Variants in IP6K3 observed in about 807,000 individuals in gnomAD.
IP6K3 encodes the protein inositol hexakisphosphate kinase 3.
IP6K3 carries 20 observed loss-of-function variants against 28.8 expected under a neutral mutation model. That is an observed-to-expected ratio of 0.70 (90% CI 0.49 to 1.01). IP6K3 has a LOEUF of 1.01. IP6K3 is among the 50% of genes least tolerant of loss of function. IP6K3 has a pLI of 0.00. For missense variants in IP6K3, 480 were observed against 537.1 expected (o/e 0.89, Z 1.05); for synonymous variants, 213 against 221.3 (o/e 0.96, Z 0.33).
rs1287566681 is a variant in IP6K3, at chr6:33,721,707, T to A, written c.*1013A>T. 1 of 152,638 alleles carries A rather than the reference T, an allele frequency of 6.6e-6. No individual in the cohort carries two copies. The highest frequency in any genetic ancestry group is 1.5e-5 in the Non-Finnish European group (1 of 68,034). The allele number at this position is 152,638 out of a possible 1,614,324, so 9.5% of individuals were successfully genotyped here. A position where few individuals can be genotyped will look rare whatever the true frequency, so the allele number is the denominator to read the frequency against. ...TTTATTAACAAATTTATTTCCCTAA[T>A]TGGGTAACGTATCTCAGTGCTTGAC... On this transcript the variant is annotated 3_prime_UTR_variant, in exon 6 of 6. Transcript: ENST00000293756.
In IP6K3 at chr6:33,726,759, G is replaced by C. The variant is rs1328503196; in HGVS notation, c.561C>G (p.Cys187Trp). 1 of 1,601,706 alleles carries C rather than the reference G, an allele frequency of 6.2e-7. No individual in the cohort carries two copies. The highest frequency in any genetic ancestry group is 1.3e-5 in the African/African-American group (1 of 74,774). Residue 187 changes from cysteine (C) to tryptophan (W), a missense_variant, in exon 4 of 6, where the codon TGC becomes TGG. By Grantham distance (215) the Cys-to-Trp change is radical. Transcript: ENST00000293756. ...QCHQAHLTRL[C>W]SEYPENKRHR... ...GCCGCTTGTTCTCTGGGTACTCGGA[G>C]CACAGGCGGGTCAGGTGGGCCTGGT... is the stretch of plus-strand genomic sequence containing the variant.
rs1405703071 is a variant in IP6K3, at chr6:33,745,463, T to C, written c.-180+1295A>G. 2.0e-5 allele frequency among the ~76,000 whole-genome samples: 3 copies of C among 152,120 alleles called. No individual in the cohort carries two copies. In the South Asian group the frequency reaches 6.2e-4, roughly 32 times the overall value. On this transcript the variant is annotated intron_variant, in intron 1 of 5. Coordinates refer to ENST00000293756, the MANE Select transcript of IP6K3 (RefSeq NM_054111.5). The stretch of plus-strand genomic sequence containing the variant: ...CTGCCTCTCGGGGCCTCAGCTTCCC[T>C]ATCTGTACTGAGAGCTGTCTGACCC...
the IP6K3 span, among the ~76,000 whole-genome samples, chr6:33,758,597 G>A: frequency 6.6e-6 from 1 of 151,980 alleles, no homozygotes; most frequent in African/African-American, 2.4e-5. Flanking sequence ...AGTTTTTTTT[G>A]TTGTTGTTGT....
chr6:33,726,813 C>T lies in IP6K3; in HGVS notation c.507G>A (p.Lys169=), dbSNP rs764008300. Reference sequence around the variant, plus strand: ...ATTGCAGGCCCCACGGGTTGAAGCTCTTCCTCTCAACCTGGTTTCCGTTGG... The same window carrying T: ...ATTGCAGGCCCCACGGGTTGAAGCTTTTCCTCTCAACCTGGTTTCCGTTGG... ...EDTNGNQVER[K]SFNPWGLQCH... The change falls in exon 4 of 6, where the codon AAG becomes AAA. Residue 169 remains lysine (K), a synonymous_variant. Coordinates refer to ENST00000293756, the MANE Select transcript of IP6K3 (RefSeq NM_054111.5). The T allele has an allele frequency of 1.9e-6, 3 of 1,613,530 alleles. No individual in the cohort carries two copies. Among genetic ancestry groups the T allele is most frequent in the Non-Finnish European group, 2.5e-6 (3 of 1,179,572 alleles).
In IP6K3 at chr6:33,728,290, T is replaced by C; in HGVS notation, c.210A>G (p.Thr70=). ...RFTPQYKGTV[T]VHLWKDSTGH... ...CTGTGCTGTCTTTCCAGAGGTGCAC[T>C]GTGACGGTACCTGCAAACACACAGG... Residue 70 remains threonine (T), a synonymous_variant, in exon 3 of 6, where the codon ACA becomes ACG. Coordinates refer to ENST00000293756, the MANE Select transcript of IP6K3 (RefSeq NM_054111.5). 2.5e-6 allele frequency: 4 copies of C among 1,614,120 alleles called. No homozygotes were observed. The highest frequency in any genetic ancestry group is 3.4e-6 in the Non-Finnish European group (4 of 1,180,002).
chr6:33,734,767 G>A (rs1480976119), intron 2 of IP6K3, among the ~76,000 whole-genome samples: 2 of 152,228 alleles, frequency 1.3e-5, no homozygotes, highest in Non-Finnish European at 1.5e-5. Flanking sequence ...ACACGCAAGC[G>A]GCAGCCCGTA....
At chr6:33,727,938 A>G (rs1325752720) in intron 3 of IP6K3, 149 bp downstream of exon 3, 1 of 1,430,074 alleles carries the variant, frequency 7.0e-7, no homozygotes, top group Non-Finnish European at 9.1e-7. Context: ...TTCTTTGGTC[A>G]CATTGGTTAT....
chr6:33,724,824 G>C (rs760995117), intron 5 of IP6K3, among the ~76,000 whole-genome samples: 6 of 152,138 alleles, frequency 3.9e-5, no homozygotes, highest in African/African-American at 1.4e-4. Context: ...TGCATCAAAG[G>C]TCTGCTCACA....
At chr6:33,724,692 A>G (rs1177065905) in intron 5 of IP6K3, among the ~76,000 whole-genome samples, 1 of 152,244 alleles carries the variant, frequency 6.6e-6, no homozygotes, top group Non-Finnish European at 1.5e-5. Flanking sequence ...GCTGACTGCC[A>G]TACAGCATCT....
rs1360468692 is a variant in IP6K3 at position 33,725,526 on chromosome 6, G to T, written c.680C>A (p.Ala227Glu). 1 of 1,614,120 alleles carries T rather than the reference G, an allele frequency of 6.2e-7. No homozygotes were observed. The highest frequency in any genetic ancestry group is 8.5e-7 in the Non-Finnish European group (1 of 1,180,036). ...KMGTRQHGDD[A>E]SEEKKARHMR... ...GTGGCGGGCCTTCTTCTCCTCCGAT[G>T]CATCATCGCCGTGCTGCCGGGTCCC... The change falls in exon 5 of 6, where the codon GCA (alanine) becomes GAA (glutamate). Residue 227 changes from alanine to glutamate, a missense_variant. Ala to Glu is a moderately radical substitution (Grantham distance 107). Transcript: ENST00000293756.
the IP6K3 span, among the ~76,000 whole-genome samples, chr6:33,755,685 T>TC: frequency 3.0e-4 from 45 of 151,624 alleles, 1 homozygote; most frequent in East Asian, 2.5e-3. Flanking sequence ...CCACTGGGGG[T>TC]CCCCCCCGCT....
chr6:33,743,556 G>C (rs920092250), intron 1 of IP6K3, among the ~76,000 whole-genome samples: 1 of 152,206 alleles, frequency 6.6e-6, no homozygotes, highest in Non-Finnish European at 1.5e-5. Context: ...GGGCCATCCA[G>C]GTTGGAAGGC....
chr6:33,734,991 C>T (rs1766462522), intron 2 of IP6K3, among the ~76,000 whole-genome samples: 1 of 152,190 alleles, frequency 6.6e-6, no homozygotes, highest in Non-Finnish European at 1.5e-5. Context: ...AGAATGCCGC[C>T]TTGGAGACTG....
chr6:33,754,000 G>A, the IP6K3 span, among the ~76,000 whole-genome samples: 70 of 152,012 alleles, frequency 4.6e-4, no homozygotes, highest in South Asian at 1.9e-3. Flanking sequence ...TAGTAGAGAC[G>A]GGGTTTCACC....
Position 33,722,911 on chromosome 6 carries a change from C to T in IP6K3, c.1042G>A (p.Ala348Thr), listed in dbSNP as rs539948572. The change falls in exon 6 of 6, where the codon GCT becomes ACT. Residue 348 changes from alanine (A) to threonine (T), a missense_variant. Ala to Thr is a moderately conservative substitution (Grantham distance 58). Coordinates refer to ENST00000293756, the MANE Select transcript of IP6K3 (RefSeq NM_054111.5). The part of the protein sequence containing the change: ...RAPGSPHPHE[A>T]PQAAHGSSPG... ...GAGCTACCGTGGGCTGCCTGGGGAG[C>T]CTCGTGAGGATGCGGGCTGCCTGGG... The T allele has an allele frequency of 1.5e-5, 24 of 1,613,872 alleles. No homozygotes were observed. The highest frequency in any genetic ancestry group is 1.7e-4 in the Middle Eastern group (1 of 6,060).
rs528597396 is a variant in IP6K3, at chr6:33,722,786, G to A, written c.1167C>T (p.Asp389=). The stretch of plus-strand genomic sequence containing the variant: ...TTTCCAGGCCAAAAATATAGCCAGG[G>A]TCTGGTCCATCGTAGGTGGTGTGCT... The part of the protein sequence containing the change: ...WNEHTTYDGP[D]PGYIFGLENL... The change falls in exon 6 of 6, where the codon GAC becomes GAT. Residue 389 remains aspartate, a synonymous_variant. Transcript: ENST00000293756. The A allele has an allele frequency of 2.6e-4, 427 of 1,614,080 alleles. 5 individuals are homozygous for A. In the South Asian group the frequency reaches 4.6e-3, roughly 17 times the overall value.
chr6:33,758,402 GTGCC>G, the IP6K3 span, among the ~76,000 whole-genome samples: 3 of 152,044 alleles, frequency 2.0e-5, no homozygotes, highest in Non-Finnish European at 4.4e-5. Context: ...GTGGTGGCAC[GTGCC>G]TGTAGTCCTG....
At chr6:33,726,709 G>T (rs1766126177) in intron 4 of IP6K3, 22 bp downstream of exon 4, 1 of 1,556,634 alleles carries the variant, frequency 6.4e-7, no homozygotes, top group East Asian at 2.3e-5. Context: ...GGGACCACAT[G>T]TGAGGGGGAT....
At position 33,723,051 on chromosome 6, in the gene IP6K3, G is replaced by C; in HGVS notation, c.902C>G (p.Pro301Arg). Reference protein sequence around the residue: ...GSHLRRELLEPILHQLRALLS... With the variant: ...GSHLRRELLERILHQLRALLS... ...GAGGGCCCGGAGCTGGTGCAGGATG[G>C]GCTCCAGGAGCTCCCTCCGGAGGTG... Residue 301 changes from proline (P) to arginine (R), a missense_variant, in exon 6 of 6, where the codon CCC becomes CGC. By Grantham distance (103) the Pro-to-Arg change is moderately radical. Coordinates refer to ENST00000293756, the MANE Select transcript of IP6K3 (RefSeq NM_054111.5). The C allele has an allele frequency of 6.2e-7, 1 of 1,614,136 alleles. No homozygotes were observed. The highest frequency in any genetic ancestry group is 8.5e-7 in the Non-Finnish European group (1 of 1,180,028).
Sources: gnomAD v4.1 joint callset for allele counts (sites outside exome capture counted in the v4.1 genomes callset) on GRCh38, gnomAD v4.1.1 for gene constraint, MANE v1.5 for transcripts, NCBI Gene and HGNC (gene_info 2026-07-23, HGNC 2026-07-21) for gene names.